Variants in CCSER1 observed in about 807,000 individuals in gnomAD.
CCSER1 encodes the protein coiled-coil serine rich protein 1.
A neutral mutation model predicts 82.0 loss-of-function variants in CCSER1; 41 were observed. The ratio of observed to expected loss-of-function variants is 0.50; its 90% CI spans 0.39 to 0.65. The LOEUF is 0.65. CCSER1 is among the 30% of genes least tolerant of loss of function. CCSER1 has a pLI of 0.00. For missense variants in CCSER1, 1,119 were observed against 1,064.2 expected (o/e 1.05, Z -0.72); for synonymous variants, 414 against 383.9 (o/e 1.08, Z -0.92).
chr4:90,675,022 C>G (rs141413165), intron 6 of CCSER1, among the ~76,000 whole-genome samples: 93 of 152,006 alleles, frequency 6.1e-4, no homozygotes, highest in African/African-American at 1.8e-3. Context: ...TGTCTGAAAC[C>G]AGACTGCCAG....
At chr4:91,092,566 C>T (rs528193622) in intron 10 of CCSER1, among the ~76,000 whole-genome samples, 2 of 152,298 alleles carry the variant, frequency 1.3e-5, no homozygotes, top group South Asian at 4.1e-4. Context: ...TTAGCAAGAG[C>T]TGGCAAGTGT....
At chr4:90,138,009 A>G (rs770546649) in intron 1 of CCSER1, among the ~76,000 whole-genome samples, 1 of 152,204 alleles carries the variant, frequency 6.6e-6, no homozygotes, top group Non-Finnish European at 1.5e-5. Context: ...TGAAAGTATC[A>G]TAATTCACTG....
chr4:90,900,918 C>T (rs933393119), intron 8 of CCSER1, among the ~76,000 whole-genome samples: 1 of 151,742 alleles, frequency 6.6e-6, no homozygotes, highest in African/African-American at 2.4e-5. Flanking sequence ...TATTGGATGA[C>T]TGTCTATCTC....
intron 8 of CCSER1, among the ~76,000 whole-genome samples, chr4:90,839,360 T>C (rs1762273962): frequency 6.6e-6 from 1 of 152,110 alleles, no homozygotes; most frequent in Admixed American, 6.5e-5. Flanking sequence ...CAAATGTGAG[T>C]GAGCTTTTTA....
At chr4:90,897,011 A>G (rs28619092) in intron 8 of CCSER1, among the ~76,000 whole-genome samples, 4,019 of 152,102 alleles carry the variant, frequency 0.026, 73 homozygotes, top group African/African-American at 0.045. Context: ...TCTATGAGAC[A>G]TTGAATCTTA....
rs532124174 is a variant in CCSER1, at chr4:90,646,265, G to A, written c.1932+18033G>A. Among the ~76,000 whole-genome samples, 332 of 152,198 alleles carry A rather than the reference G, an allele frequency of 2.2e-3. 1 individual carries two copies. Among genetic ancestry groups the A allele is most frequent in the African/African-American group, 7.3e-3 (304 of 41,542 alleles). On this transcript the variant is annotated intron_variant, in intron 6 of 10. Coordinates refer to ENST00000509176, the MANE Select transcript of CCSER1 (RefSeq NM_001145065.2). ...TATAGTAATTTGTGTTTGGATTTGA[G>A]AATATTATAATAGTAGAGAATGAAA...
rs192935982 is a variant in CCSER1, at chr4:91,211,871, A to G, written c.2217+125877A>G. On this transcript the variant is annotated intron_variant, in intron 10 of 10. Transcript: ENST00000509176. Reference sequence around the variant, plus strand: ...TGTGATACCTCCAAAGATCTCTAACAAACTCTTAAAGAAATTATTAGTTTA... The same window carrying G: ...TGTGATACCTCCAAAGATCTCTAACGAACTCTTAAAGAAATTATTAGTTTA... Among the ~76,000 whole-genome samples, 116 of 152,250 alleles carry G rather than the reference A, an allele frequency of 7.6e-4. 4 individuals are homozygous for G. In the East Asian group the frequency reaches 0.02, roughly 26 times the overall value.
At chr4:90,202,432 A>T (rs1162296764) in intron 1 of CCSER1, among the ~76,000 whole-genome samples, 7 of 151,996 alleles carry the variant, frequency 4.6e-5, no homozygotes. Flanking sequence ...CGAACTCCTG[A>T]CCTCAGGTGA....
chr4:91,300,312 G>A (rs1307327940), intron 10 of CCSER1, among the ~76,000 whole-genome samples: 1 of 151,758 alleles, frequency 6.6e-6, no homozygotes, highest in Non-Finnish European at 1.5e-5. Flanking sequence ...TCTAGTTTTG[G>A]TATCTACTCA....
intron 10 of CCSER1, among the ~76,000 whole-genome samples, chr4:91,372,430 T>C (rs559724067): frequency 8.7e-4 from 133 of 152,282 alleles, no homozygotes; most frequent in African/African-American, 3.1e-3. Context: ...AGGTACATTG[T>C]GATTTAGTTT....
At chr4:90,888,817 A>G (rs2150104702) in intron 8 of CCSER1, among the ~76,000 whole-genome samples, 1 of 152,288 alleles carries the variant, frequency 6.6e-6, no homozygotes, top group East Asian at 1.9e-4. Flanking sequence ...ATGTTACTAT[A>G]GCATTAGTAA....
intron 3 of CCSER1, among the ~76,000 whole-genome samples, chr4:90,356,056 G>T (rs575259015): frequency 6.6e-6 from 1 of 151,790 alleles, no homozygotes; most frequent in Non-Finnish European, 1.5e-5. Context: ...ACTTGACATC[G>T]TGTATCTTTA....
rs372718400 is a variant in CCSER1 at position 91,180,322 on chromosome 4, T to C, written c.2217+94328T>C. On this transcript the variant is annotated intron_variant, in intron 10 of 10. Transcript: ENST00000509176. ...TCAGACTCTGTGCTAGGAGAACCACTACTCTCTTCAAAGCTGTCAGACAGG... is the reference window on the plus strand; with the variant it reads ...TCAGACTCTGTGCTAGGAGAACCACCACTCTCTTCAAAGCTGTCAGACAGG... Among the ~76,000 whole-genome samples the C allele has an allele frequency of 3.9e-5, 6 of 152,336 alleles. No individual in the cohort carries two copies. The East Asian group carries it at 9.7e-4, about 25-fold the overall frequency.
chr4:91,288,650 AT>A (rs1743507000), intron 10 of CCSER1, among the ~76,000 whole-genome samples: 1 of 152,028 alleles, frequency 6.6e-6, no homozygotes, highest in Admixed American at 6.6e-5. Flanking sequence ...ACAAAACTCT[AT>A]TCTGTTGCTT....
chr4:91,277,816 G>T (rs1177598269), intron 10 of CCSER1, among the ~76,000 whole-genome samples: 1 of 151,444 alleles, frequency 6.6e-6, no homozygotes, highest in East Asian at 1.9e-4. Context: ...CTAGGGTTTT[G>T]TTGTTACAAA....
intron 5 of CCSER1, among the ~76,000 whole-genome samples, chr4:90,590,680 A>G (rs554302231): frequency 2.0e-5 from 3 of 152,054 alleles, no homozygotes; most frequent in South Asian, 4.2e-4. Context: ...TACCAGTACC[A>G]TGCTGTTTTG....
chr4:91,398,965 T>C (rs914140514), intron 10 of CCSER1, among the ~76,000 whole-genome samples: 2 of 151,962 alleles, frequency 1.3e-5, no homozygotes, highest in African/African-American at 2.4e-5. Context: ...TTCTGAATTA[T>C]AAATATTGAG....
At chr4:91,142,221 C>G (rs769077253) in intron 10 of CCSER1, among the ~76,000 whole-genome samples, 8 of 152,086 alleles carry the variant, frequency 5.3e-5, no homozygotes, top group Non-Finnish European at 7.4e-5. Context: ...CACAAGATCT[C>G]ATGGTTTTAT....
chr4:91,079,168 C>G (rs1722387352), intron 9 of CCSER1, among the ~76,000 whole-genome samples: 1 of 152,180 alleles, frequency 6.6e-6, no homozygotes, highest in Non-Finnish European at 1.5e-5. Context: ...AGGTTAAGGG[C>G]AGCCAGACAG....
Sources: allele counts gnomAD v4.1 joint callset (sites outside exome capture counted in the v4.1 genomes callset), GRCh38; gene constraint gnomAD v4.1.1; transcripts MANE v1.5; gene names NCBI Gene and HGNC (gene_info 2026-07-23, HGNC 2026-07-21).